Variants in MAPK10 observed in about 807,000 individuals in gnomAD.
MAPK10 encodes the protein mitogen-activated protein kinase 10.
MAPK10 carries 25 observed loss-of-function variants against 59.3 expected under a neutral mutation model. The observed-to-expected ratio is 0.42, with a 90% CI of 0.31 to 0.59. The LOEUF (loss-of-function observed/expected upper bound fraction) is 0.59, where lower values mean the gene tolerates loss of function less well. Ranked by LOEUF, MAPK10 falls within the 20% of genes least tolerant of loss-of-function variation. MAPK10 has a pLI of 0.15. For missense variants in MAPK10, 351 were observed against 568.9 expected (o/e 0.62, Z 3.90); for synonymous variants, 190 against 200.5 (o/e 0.95, Z 0.44).
chr4:86,578,718 T>C (rs1762062687), intron 1 of MAPK10, among the ~76,000 whole-genome samples: 1 of 152,170 alleles, frequency 6.6e-6, no homozygotes, highest in South Asian at 2.1e-4. Flanking sequence ...AAGAGTTTTC[T>C]AGCAGCAAAT....
intron 2 of MAPK10, among the ~76,000 whole-genome samples, chr4:86,254,753 C>T (rs180697363): frequency 6.7e-6 from 1 of 150,012 alleles, no homozygotes; most frequent in Non-Finnish European, 1.5e-5. Context: ...TCTCGTTGAT[C>T]TGTCTAATGT....
At chr4:86,108,750 C>T (rs55887433) in intron 4 of MAPK10, among the ~76,000 whole-genome samples, 7,424 of 152,240 alleles carry the variant, frequency 0.049, 615 homozygotes, top group African/African-American at 0.17. Context: ...TTTCCACTGA[C>T]GACTGTTAGT....
At chr4:86,166,924 C>G (rs2071947638) in intron 3 of MAPK10, among the ~76,000 whole-genome samples, 1 of 151,932 alleles carries the variant, frequency 6.6e-6, no homozygotes, top group Admixed American at 6.6e-5. Context: ...CTTCAAAAAT[C>G]AATGAATCCA....
At chr4:86,358,318 C>A (rs376493524) in intron 1 of MAPK10, 6 of 985,380 alleles carry the variant, frequency 6.1e-6, no homozygotes, top group Non-Finnish European at 7.2e-6. Flanking sequence ...GACAACTAGC[C>A]GATGAGGGAT....
At chr4:86,323,895 C>T (rs1041980628) in intron 2 of MAPK10, among the ~76,000 whole-genome samples, 1 of 152,106 alleles carries the variant, frequency 6.6e-6, no homozygotes, top group African/African-American at 2.4e-5. Context: ...AGTGGGATGT[C>T]GCAGGACTAT....
At chr4:86,344,468 T>A (rs1218029992) in intron 2 of MAPK10, among the ~76,000 whole-genome samples, 2 of 152,154 alleles carry the variant, frequency 1.3e-5, no homozygotes, top group African/African-American at 4.8e-5. Context: ...TTCACAAGAT[T>A]TTCTTCTTTC....
chr4:86,293,631 G>A (rs1382251705), intron 2 of MAPK10, among the ~76,000 whole-genome samples: 1 of 152,164 alleles, frequency 6.6e-6, no homozygotes, highest in African/African-American at 2.4e-5. Context: ...TCATGGTTCT[G>A]CAGCTTGTAC....
At chr4:86,053,248 C>A (rs540372638) in intron 11 of MAPK10, among the ~76,000 whole-genome samples, 68 of 152,178 alleles carry the variant, frequency 4.5e-4, no homozygotes, top group African/African-American at 1.6e-3. Context: ...CTCTGCAGAG[C>A]ATATCATTTT....
At chr4:86,493,577 A>G (rs1476703630) in intron 1 of MAPK10, among the ~76,000 whole-genome samples, 2 of 152,108 alleles carry the variant, frequency 1.3e-5, no homozygotes, top group Admixed American at 1.3e-4. Context: ...AACCTTCAGG[A>G]CAGCCTTTCT....
At chr4:86,025,435 G>C (rs1749687599) in intron 13 of MAPK10, 1 of 397,916 alleles carries the variant, frequency 2.5e-6, no homozygotes. Context: ...AAACGTAAGG[G>C]ACAAGACATG....
At chr4:86,232,466 T>C (rs1020724725) in intron 2 of MAPK10, among the ~76,000 whole-genome samples, 3 of 151,818 alleles carry the variant, frequency 2.0e-5, no homozygotes, top group Admixed American at 2.0e-4. Context: ...CTCCGCCTCC[T>C]GGGTTCACGC....
chr4:86,086,116 G>A (rs776468366), intron 9 of MAPK10, among the ~76,000 whole-genome samples: 1 of 151,956 alleles, frequency 6.6e-6, no homozygotes, highest in Non-Finnish European at 1.5e-5. Context: ...AAACCACCAC[G>A]GTACACGTTT....
At chr4:86,310,323 T>C (rs74531962) in intron 2 of MAPK10, among the ~76,000 whole-genome samples, 4,158 of 152,216 alleles carry the variant, frequency 0.027, 181 homozygotes, top group African/African-American at 0.093. Context: ...AAAATAAACT[T>C]TCTAAATTAA....
intron 4 of MAPK10, among the ~76,000 whole-genome samples, chr4:86,127,154 C>A (rs2060200279): frequency 1.4e-5 from 2 of 143,324 alleles, no homozygotes; most frequent in South Asian, 2.3e-4. Context: ...AATAAAATAA[C>A]TAATAGAATT....
chr4:86,361,989 T>C (rs1737065205), upstream of MAPK10, among the ~76,000 whole-genome samples: 1 of 152,088 alleles, frequency 6.6e-6, no homozygotes, highest in South Asian at 2.1e-4. Flanking sequence ...ACAGTGACTA[T>C]AGTTAATAAT....
chr4:86,421,208 C>A lies in MAPK10; in HGVS notation c.-122+31822G>T, dbSNP rs1746500134. Among the ~76,000 whole-genome samples the A allele has an allele frequency of 2.0e-5, 3 of 152,080 alleles. No individual in the cohort carries two copies. In the South Asian group the frequency reaches 6.2e-4, roughly 31 times the overall value. On this transcript the variant is annotated intron_variant, in intron 1 of 13. Transcript: ENST00000361569. ...ATCTTGTGGGTCATTTCCCCAAGTT[C>A]TATCGTTCTTTTTGCTTGTTTGTTT...
chr4:86,437,661 C>T (rs111346156), intron 1 of MAPK10, among the ~76,000 whole-genome samples: 8,550 of 152,210 alleles, frequency 0.056, 342 homozygotes, highest in African/African-American at 0.089. Flanking sequence ...GAAAGTATAA[C>T]CACTTTGAAA....
chr4:86,044,688 T>A, intron 11 of MAPK10: 1 of 397,406 alleles, frequency 2.5e-6, no homozygotes, highest in South Asian at 1.3e-4. Flanking sequence ...TGTCTCATAA[T>A]CAAATGCAGT....
chr4:86,277,321 C>T (rs371106404), intron 2 of MAPK10: 19 of 152,144 alleles, frequency 1.2e-4, no homozygotes, highest in African/African-American at 3.9e-4. Flanking sequence ...TTCCCTATTA[C>T]CCACTGGGGG....
Sources: allele counts gnomAD v4.1 joint callset (sites outside exome capture counted in the v4.1 genomes callset), GRCh38; gene constraint gnomAD v4.1.1; transcripts MANE v1.5; gene names NCBI Gene and HGNC (gene_info 2026-07-23, HGNC 2026-07-21).